TMED3: variants seen among roughly 807,000 people sequenced by gnomAD.
The protein encoded by TMED3 is transmembrane p24 trafficking protein 3, also known as transmembrane emp24 domain-containing protein 3.
TMED3 carries 9 observed loss-of-function variants against 15.0 expected under a neutral mutation model. The observed-to-expected ratio is 0.60, with a 90% CI of 0.36 to 1.04. TMED3 has a LOEUF of 1.04. Among genes scored for constraint, TMED3 ranks in the 50% least tolerant of loss-of-function variants. The pLI is 0.01. For synonymous variants in TMED3, 117 were observed against 121.4 expected, an observed-to-expected ratio of 0.96 and a Z score of 0.24; for missense variants, 267 against 278.9, an observed-to-expected ratio of 0.96 and a Z score of 0.30.
At chr15:79,360,609 T>G (rs1342850192) in intron 2 of TMED3, among the ~76,000 whole-genome samples, 1 of 152,182 alleles carries the variant, frequency 6.6e-6, no homozygotes, top group Admixed American at 6.5e-5. Flanking sequence ...TCTTTACATA[T>G]CGTTAGACCG....
intron 2 of TMED3, among the ~76,000 whole-genome samples, chr15:79,361,035 T>G (rs1893119238): frequency 6.6e-6 from 1 of 152,124 alleles, no homozygotes; most frequent in African/African-American, 2.4e-5. Context: ...ATTTTTATTT[T>G]TATTTTTTGT....
intron 2 of TMED3, among the ~76,000 whole-genome samples, chr15:79,370,035 CAGTT>C (rs1225011868): frequency 1.3e-5 from 2 of 152,096 alleles, no homozygotes; most frequent in Non-Finnish European, 2.9e-5. Flanking sequence ...TTGGAGAACA[CAGTT>C]AGACGAACTT....
intron 2 of TMED3, among the ~76,000 whole-genome samples, chr15:79,381,598 C>T (rs1255352019): frequency 6.6e-6 from 1 of 152,144 alleles, no homozygotes; most frequent in East Asian, 1.9e-4. Context: ...CCCAGTGGTG[C>T]CCAGGCTGAG....
At chr15:79,404,782 G>A (rs1893881088) in intron 2 of TMED3, among the ~76,000 whole-genome samples, 2 of 152,164 alleles carry the variant, frequency 1.3e-5, no homozygotes, top group Non-Finnish European at 2.9e-5. Flanking sequence ...CTGCTCACTG[G>A]GAGGATTTAC....
intron 2 of TMED3, among the ~76,000 whole-genome samples, chr15:79,334,812 A>G (rs948113759): frequency 9.2e-5 from 14 of 152,268 alleles, no homozygotes; most frequent in African/African-American, 3.1e-4. Flanking sequence ...AAAAAAGGCA[A>G]CAAGACTTCA....
intron 2 of TMED3, among the ~76,000 whole-genome samples, chr15:79,352,450 A>G (rs889440846): frequency 6.6e-6 from 1 of 151,976 alleles, no homozygotes; most frequent in South Asian, 2.1e-4. Flanking sequence ...CTCAATCCCA[A>G]ACAAGGATGT....
chr15:79,378,968 T>A (rs553441398), intron 2 of TMED3, among the ~76,000 whole-genome samples: 1 of 152,356 alleles, frequency 6.6e-6, no homozygotes, highest in East Asian at 1.9e-4. Flanking sequence ...TCATTATCAG[T>A]TGATGACGTA....
At chr15:79,388,640 G>A (rs1050201511) in intron 2 of TMED3, among the ~76,000 whole-genome samples, 2 of 152,120 alleles carry the variant, frequency 1.3e-5, no homozygotes, top group Admixed American at 6.5e-5. Flanking sequence ...TGGATCAAAT[G>A]TAATTCTAGT....
intron 2 of TMED3, among the ~76,000 whole-genome samples, chr15:79,361,982 T>G (rs1435103475): frequency 6.6e-6 from 1 of 152,104 alleles, no homozygotes; most frequent in African/African-American, 2.4e-5. Context: ...CCAAAACTTT[T>G]TAGGGTCTAT....
intron 2 of TMED3, among the ~76,000 whole-genome samples, chr15:79,328,346 A>T (rs2058794836): frequency 8.5e-6 from 1 of 118,094 alleles, no homozygotes; most frequent in South Asian, 2.7e-4. Context: ...GTAAAAAAAA[A>T]TTAAAAACCC....
At chr15:79,409,405 T>C (rs2141260410) in intron 2 of TMED3, among the ~76,000 whole-genome samples, 1 of 152,250 alleles carries the variant, frequency 6.6e-6, no homozygotes, top group African/African-American at 2.4e-5. Context: ...ATGCCCCAGA[T>C]ATAGGCAGGG....
chr15:79,344,164 G>C (rs1595894412), intron 2 of TMED3, among the ~76,000 whole-genome samples: 1 of 152,210 alleles, frequency 6.6e-6, no homozygotes, highest in East Asian at 1.9e-4. Context: ...AGAGGGAGCA[G>C]CTGGAAAGAC....
At chr15:79,358,815 C>T (rs1893067098) in intron 2 of TMED3, among the ~76,000 whole-genome samples, 1 of 152,178 alleles carries the variant, frequency 6.6e-6, no homozygotes, top group African/African-American at 2.4e-5. Flanking sequence ...CTATTTGCTC[C>T]TTGAAGGAAA....
chr15:79,311,460 C>T, intron 1 of TMED3, 43 bp downstream of exon 1: 7 of 1,571,070 alleles, frequency 4.5e-6, no homozygotes, highest in Admixed American at 1.8e-5. Context: ...CCCTCCACTC[C>T]CAGGTCTCAC....
exon 3 of TMED3, chr15:79,411,596 T>G: frequency 1.5e-6 from 1 of 675,232 alleles, no homozygotes. Flanking sequence ...AGAGCTACCA[T>G]GCACTGGGAC....
intron 2 of TMED3, among the ~76,000 whole-genome samples, chr15:79,353,357 T>C (rs1428816376): frequency 8.6e-6 from 1 of 116,576 alleles, no homozygotes; most frequent in Non-Finnish European, 1.7e-5. Context: ...ATATATGTTA[T>C]ATATAAAATA....
chr15:79,384,180 A>G (rs1893588667), intron 2 of TMED3: 2 of 152,248 alleles, frequency 1.3e-5, no homozygotes. Flanking sequence ...TTCCTTCAAC[A>G]GTCCAAAACC....
At chr15:79,367,941 C>T (rs1893267794) in intron 2 of TMED3, among the ~76,000 whole-genome samples, 1 of 152,078 alleles carries the variant, frequency 6.6e-6, no homozygotes, top group Non-Finnish European at 1.5e-5. Context: ...TGTGAGTATA[C>T]CTTTATCCAG....
chr15:79,410,390 T>G (rs1003845252), intron 2 of TMED3, among the ~76,000 whole-genome samples: 11 of 152,234 alleles, frequency 7.2e-5, no homozygotes, highest in African/African-American at 2.4e-4. Context: ...TAGGAGAGGG[T>G]GACGCTGTCA....
Sources: gnomAD v4.1 joint callset for allele counts (sites outside exome capture counted in the v4.1 genomes callset) on GRCh38, gnomAD v4.1.1 for gene constraint, MANE v1.5 for transcripts, NCBI Gene and HGNC (gene_info 2026-07-23, HGNC 2026-07-21) for gene names.